Variants in ADGRL3 observed in about 807,000 individuals in gnomAD.
The protein encoded by ADGRL3 is adhesion G protein-coupled receptor L3, also known as calcium-independent alpha-latrotoxin receptor 3.
ADGRL3 carries 62 observed loss-of-function variants against 153.5 expected under a neutral mutation model. The ratio of observed to expected loss-of-function variants is 0.40; its 90% CI spans 0.33 to 0.50. ADGRL3 has a LOEUF of 0.50. Among genes scored for constraint, ADGRL3 ranks in the 20% least tolerant of loss-of-function variants. The pLI is 0.47. For missense variants in ADGRL3, 1,641 were observed against 1,859.4 expected (o/e 0.88, Z 2.16); for synonymous variants, 710 against 672.5 (o/e 1.06, Z -0.86).
At chr4:61,629,768 T>C (rs2093048798) in intron 5 of ADGRL3, among the ~76,000 whole-genome samples, 1 of 108,106 alleles carries the variant, frequency 9.3e-6, no homozygotes, top group South Asian at 3.1e-4. Context: ...AAAAAAAAAT[T>C]CCAAGTCATT....
chr4:61,653,750 TCTCCAGATTTGGATATCATTCAC>T (rs1180602383), intron 5 of ADGRL3, among the ~76,000 whole-genome samples: 3 of 152,182 alleles, frequency 2.0e-5, no homozygotes, highest in African/African-American at 7.2e-5. Flanking sequence ...TTTAGCAAAA[TCTCCAGATTTGGATATCATTCAC>T]CTCTCTTGGA....
At chr4:61,423,247 T>A (rs530686280) in intron 2 of ADGRL3, among the ~76,000 whole-genome samples, 1 of 152,264 alleles carries the variant, frequency 6.6e-6, no homozygotes, top group African/African-American at 2.4e-5. Flanking sequence ...ACTACCCAAA[T>A]GAAACAACCA....
At chr4:61,699,776 AATAG>A (rs1251802065) in intron 6 of ADGRL3, among the ~76,000 whole-genome samples, 2 of 152,216 alleles carry the variant, frequency 1.3e-5, no homozygotes, top group African/African-American at 4.8e-5. Flanking sequence ...ATTGTATAGG[AATAG>A]ATAATGTTAA....
In ADGRL3 at chr4:62,064,936, C is replaced by G. The variant is rs140386729; in HGVS notation, c.3815-3230C>G. ...CAATACAATGAAATAATTCAGCTCA[C>G]TTTGAATTTAAAATTTCTTAAGGGA... On this transcript the variant is annotated intron_variant, in intron 25 of 26. Transcript: ENST00000683033. 2.1e-3 allele frequency among the ~76,000 whole-genome samples: 322 copies of G among 152,088 alleles called. 3 individuals carry two copies. Among genetic ancestry groups the G allele is most frequent in the African/African-American group, 7.2e-3 (300 of 41,510 alleles).
At chr4:61,207,127 G>T (rs1737648799) in intron 1 of ADGRL3, among the ~76,000 whole-genome samples, 1 of 151,922 alleles carries the variant, frequency 6.6e-6, no homozygotes, top group African/African-American at 2.4e-5. Context: ...GTATACACGT[G>T]CCATGGTGGT....
intron 5 of ADGRL3, among the ~76,000 whole-genome samples, chr4:61,590,513 T>C (rs11131333): frequency 0.32 from 48,836 of 151,984 alleles, 8,401 homozygotes; most frequent in East Asian, 0.51. Context: ...AATTGAAATA[T>C]TTCAGTTGTT....
chr4:61,743,990 A>G (rs1036743432), intron 8 of ADGRL3, among the ~76,000 whole-genome samples: 1 of 152,178 alleles, frequency 6.6e-6, no homozygotes, highest in Non-Finnish European at 1.5e-5. Context: ...GCACCTGGAA[A>G]ATCAGGTCAC....
chr4:61,224,434 A>T (rs185976901), intron 1 of ADGRL3, among the ~76,000 whole-genome samples: 58 of 152,322 alleles, frequency 3.8e-4, no homozygotes, highest in Admixed American at 1.9e-3. Context: ...CCTGATTAAA[A>T]ATTTATTGCT....
At chr4:61,984,054 C>T (rs910957042) in intron 19 of ADGRL3, among the ~76,000 whole-genome samples, 3 of 152,126 alleles carry the variant, frequency 2.0e-5, no homozygotes, top group African/African-American at 7.2e-5. Context: ...CTGTGTTTTT[C>T]CCCTTTTTTC....
intron 2 of ADGRL3, among the ~76,000 whole-genome samples, chr4:61,408,657 TTTAA>T (rs1162246600): frequency 1.3e-5 from 2 of 152,064 alleles, no homozygotes; most frequent in African/African-American, 2.4e-5. Flanking sequence ...ATCTAGATTA[TTTAA>T]TTATTTATAC....
chr4:61,225,468 G>T (rs538501355), intron 1 of ADGRL3, among the ~76,000 whole-genome samples: 1 of 152,154 alleles, frequency 6.6e-6, no homozygotes, highest in East Asian at 1.9e-4. Context: ...TATTTTTCCT[G>T]CCCTCATCCT....
intron 9 of ADGRL3, among the ~76,000 whole-genome samples, chr4:61,886,998 C>A (rs557999972): frequency 1.3e-5 from 2 of 151,726 alleles, no homozygotes; most frequent in African/African-American, 2.4e-5. Flanking sequence ...AGACACCCAC[C>A]ACCATGCTCT....
chr4:61,356,851 T>C (rs2096181857), intron 1 of ADGRL3, among the ~76,000 whole-genome samples: 1 of 152,176 alleles, frequency 6.6e-6, no homozygotes, highest in African/African-American at 2.4e-5. Context: ...TTCTGTTTCT[T>C]TTTGTTTGAC....
chr4:61,981,493 C>T (rs1030814787), intron 18 of ADGRL3, among the ~76,000 whole-genome samples: 1 of 149,490 alleles, frequency 6.7e-6, no homozygotes, highest in Admixed American at 6.7e-5. Context: ...TTGCAACCTA[C>T]ATTTAGTCAT....
chr4:61,356,215 C>T (rs1207464141), intron 1 of ADGRL3, among the ~76,000 whole-genome samples: 1 of 151,970 alleles, frequency 6.6e-6, no homozygotes, highest in African/African-American at 2.4e-5. Context: ...CTGATATTCT[C>T]ATTGGTGTCT....
chr4:61,733,698 A>G (rs2096471522), intron 8 of ADGRL3, 144 bp downstream of exon 8: 1 of 647,984 alleles, frequency 1.5e-6, no homozygotes, highest in Non-Finnish European at 2.6e-6. Context: ...CATCTAAAGA[A>G]GGTTGCTGCT....
intron 4 of ADGRL3, among the ~76,000 whole-genome samples, chr4:61,519,486 T>G (rs1294329166): frequency 6.6e-6 from 1 of 152,192 alleles, no homozygotes; most frequent in African/African-American, 2.4e-5. Context: ...TCTGTCATGA[T>G]GAGATGATAC....
At chr4:61,778,239 T>C (rs1316995926) in intron 8 of ADGRL3, among the ~76,000 whole-genome samples, 2 of 152,230 alleles carry the variant, frequency 1.3e-5, no homozygotes, top group Non-Finnish European at 2.9e-5. Flanking sequence ...ATCTCAAATA[T>C]GTATTTACAA....
Position 61,934,889 on chromosome 4 carries a change from C to A in ADGRL3, c.2162C>A (p.Ala721Glu). ...CTCCTTCAGCCACAAGCTTTGAATG[C>A]ATGGAGAGACCTGACTACGAGTGAT... ...NNLLQPQALN[A>E]WRDLTTSDQL... The change falls in exon 14 of 27, where the codon GCA becomes GAA. Residue 721 changes from alanine (A) to glutamate (E), a missense_variant. This residue lies in a region of ADGRL3 where 734 missense variants were observed against 797.0 expected (regional missense o/e 0.92). Transcript: ENST00000683033. The A allele has an allele frequency of 6.2e-7, 1 of 1,613,784 alleles. No homozygotes were observed. The highest frequency in any genetic ancestry group is 8.5e-7 in the Non-Finnish European group (1 of 1,179,794).
Sources: allele counts gnomAD v4.1 joint callset (sites outside exome capture counted in the v4.1 genomes callset), GRCh38; gene constraint gnomAD v4.1.1; regional missense constraint gnomAD v4.1.1; transcripts MANE v1.5; gene names NCBI Gene and HGNC (gene_info 2026-07-23, HGNC 2026-07-21).